Variants in LHFPL3 observed in about 807,000 individuals in gnomAD.
LHFPL3 encodes LHFPL tetraspan subfamily member 3.
Under a neutral mutation model 19.3 loss-of-function variants are expected in LHFPL3, and 5 were observed. The observed-to-expected ratio is 0.26, with a 90% CI of 0.14 to 0.54. The LOEUF (loss-of-function observed/expected upper bound fraction) is 0.54. Among genes scored for constraint, LHFPL3 ranks in the 20% least tolerant of loss-of-function variants. LHFPL3 has a pLI of 0.94. For synonymous variants in LHFPL3, 133 were observed against 126.2 expected (o/e 1.05, Z -0.36); for missense variants, 249 against 307.4 (o/e 0.81, Z 1.42).
intron 2 of LHFPL3, among the ~76,000 whole-genome samples, chr7:104,822,151 C>A (rs779897218): frequency 6.6e-6 from 1 of 152,092 alleles, no homozygotes; most frequent in Non-Finnish European, 1.5e-5. Flanking sequence ...TGTTTGAAAC[C>A]GGTTTCAATA....
intron 1 of LHFPL3, among the ~76,000 whole-genome samples, chr7:104,433,808 A>G (rs1792046584): frequency 2.6e-5 from 4 of 151,892 alleles, no homozygotes; most frequent in Admixed American, 2.6e-4. Flanking sequence ...CTTTTTTACA[A>G]CTGTTACTGA....
intron 1 of LHFPL3, among the ~76,000 whole-genome samples, chr7:104,556,950 C>G (rs1327970661): frequency 6.6e-6 from 1 of 152,182 alleles, no homozygotes; most frequent in East Asian, 1.9e-4. Flanking sequence ...AGTCTCTTTG[C>G]TAAAACATAG....
At chr7:104,630,807 AAG>A (rs1251583987) in intron 1 of LHFPL3, among the ~76,000 whole-genome samples, 2 of 152,146 alleles carry the variant, frequency 1.3e-5, no homozygotes, top group African/African-American at 4.8e-5. Flanking sequence ...GCTAGTAAAA[AAG>A]AGTTCTAAAG....
rs964206766 is a variant in LHFPL3 at position 104,907,994 on chromosome 7, G to T, written c.*1779G>T. Among the ~76,000 whole-genome samples the T allele has an allele frequency of 2.0e-5, 3 of 152,166 alleles. No individual in the cohort carries two copies. Among genetic ancestry groups the T allele is most frequent in the African/African-American group, 4.8e-5 (2 of 41,440 alleles). On this transcript the variant is annotated 3_prime_UTR_variant, in exon 3 of 3. Coordinates refer to ENST00000424859, the MANE Select transcript of LHFPL3 (RefSeq NM_199000.3). ...GTATTAGTCATTCTGAGGATTATTTGTTGCTTTAAGTATTAGCTCCCTACT... is the reference window on the plus strand; with the variant it reads ...GTATTAGTCATTCTGAGGATTATTTTTTGCTTTAAGTATTAGCTCCCTACT...
intron 2 of LHFPL3, among the ~76,000 whole-genome samples, chr7:104,899,797 T>C (rs1792447655): frequency 6.6e-6 from 1 of 152,154 alleles, no homozygotes; most frequent in Admixed American, 6.5e-5. Flanking sequence ...AGTGGCGTGA[T>C]CTCAACTCAC....
chr7:104,889,678 G>C (rs1792210171), intron 2 of LHFPL3, among the ~76,000 whole-genome samples: 1 of 152,056 alleles, frequency 6.6e-6, no homozygotes, highest in Non-Finnish European at 1.5e-5. Context: ...TTTCCAAAGA[G>C]CATTTTCTAA....
At chr7:104,786,413 T>G (rs1447100269) in intron 2 of LHFPL3, 6 of 152,202 alleles carry the variant, frequency 3.9e-5, no homozygotes, top group Non-Finnish European at 8.8e-5. Flanking sequence ...AAACTTTGGA[T>G]GAGGTGATAT....
chr7:104,708,452 G>A (rs746858082), intron 1 of LHFPL3, among the ~76,000 whole-genome samples: 18 of 152,238 alleles, frequency 1.2e-4, no homozygotes, highest in Middle Eastern at 3.4e-3. Flanking sequence ...GACTGCCTCA[G>A]CTTGAGACTA....
chr7:104,631,999 A>G (rs1791651114), intron 1 of LHFPL3, among the ~76,000 whole-genome samples: 1 of 152,198 alleles, frequency 6.6e-6, no homozygotes, highest in African/African-American at 2.4e-5. Context: ...CTGCTTTAGG[A>G]GGCAGTGAGT....
intron 1 of LHFPL3, among the ~76,000 whole-genome samples, chr7:104,528,114 G>A (rs963034371): frequency 6.6e-6 from 1 of 152,160 alleles, no homozygotes; most frequent in African/African-American, 2.4e-5. Context: ...TAGACCCTGT[G>A]ATACATTTTC....
chr7:104,334,685 C>A (rs1283576442), intron 1 of LHFPL3, among the ~76,000 whole-genome samples: 1 of 152,160 alleles, frequency 6.6e-6, no homozygotes, highest in African/African-American at 2.4e-5. Flanking sequence ...TCTTTGATGA[C>A]AATGGTTGTG....
intron 1 of LHFPL3, among the ~76,000 whole-genome samples, chr7:104,596,813 C>T (rs894474173): frequency 4.6e-5 from 7 of 152,170 alleles, no homozygotes; most frequent in Non-Finnish European, 1.0e-4. Flanking sequence ...TCTTTGCACT[C>T]TTCATTGCAG....
chr7:104,436,077 C>T (rs1321451179), intron 1 of LHFPL3, among the ~76,000 whole-genome samples: 1 of 152,000 alleles, frequency 6.6e-6, no homozygotes, highest in Non-Finnish European at 1.5e-5. Flanking sequence ...TGCACTGATC[C>T]ATATGGGAGC....
chr7:104,576,094 G>A (rs1396813143), intron 1 of LHFPL3, among the ~76,000 whole-genome samples: 1 of 151,964 alleles, frequency 6.6e-6, no homozygotes, highest in Admixed American at 6.6e-5. Flanking sequence ...AATAAGAAGA[G>A]TACAATGAGA....
At position 104,387,655 on chromosome 7, in the gene LHFPL3, C is replaced by T. The variant is rs374170113; in HGVS notation, c.445+58431C>T. 6.6e-5 allele frequency among the ~76,000 whole-genome samples: 10 copies of T among 152,234 alleles called. 1 individual carries two copies. In the South Asian group the frequency reaches 2.1e-3, roughly 32 times the overall value. ...AAAGGGCAGCAAGAATACTTGAAGA[C>T]ATTTTGGCCAAAAATTTCCTAAATT... On this transcript the variant is annotated intron_variant, in intron 1 of 2. Transcript: ENST00000424859.
chr7:104,682,509 A>G (rs757071767), intron 1 of LHFPL3, among the ~76,000 whole-genome samples: 3 of 152,244 alleles, frequency 2.0e-5, no homozygotes, highest in African/African-American at 4.8e-5. Context: ...AGTGCCTGAC[A>G]GCACTCAATG....
chr7:104,860,184 A>C (rs890389346), intron 2 of LHFPL3, among the ~76,000 whole-genome samples: 2 of 148,408 alleles, frequency 1.3e-5, no homozygotes, highest in South Asian at 2.1e-4. Context: ...CCACCCACAC[A>C]CACACACACA....
At chr7:104,668,727 C>CCT (rs1554422425) in intron 1 of LHFPL3, 3 of 1,585,644 alleles carry the variant, frequency 1.9e-6, no homozygotes, top group African/African-American at 2.7e-5. Flanking sequence ...TCCCCCCCCC[C>CCT]CCAAAGACCC....
intron 1 of LHFPL3, among the ~76,000 whole-genome samples, chr7:104,675,744 A>G (rs757475251): frequency 5.3e-5 from 8 of 152,162 alleles, no homozygotes; most frequent in Non-Finnish European, 1.0e-4. Flanking sequence ...GTTTTTCTCA[A>G]ATGACACCTG....
Sources: gnomAD v4.1 joint callset for allele counts (sites outside exome capture counted in the v4.1 genomes callset) on GRCh38, gnomAD v4.1.1 for gene constraint, MANE v1.5 for transcripts, NCBI Gene and HGNC (gene_info 2026-07-23, HGNC 2026-07-21) for gene names.